The following ADCY5 variants were observed in gnomAD, a reference collection of about 807,000 sequenced individuals.
ADCY5 encodes the protein adenylate cyclase 5.
A neutral mutation model predicts 119.7 loss-of-function variants in ADCY5; 30 were observed. The ratio of observed to expected loss-of-function variants is 0.25; its 90% CI spans 0.19 to 0.34. The LOEUF (loss-of-function observed/expected upper bound fraction) is 0.34, where lower values mean the gene tolerates loss of function less well. ADCY5 is among the 10% of genes least tolerant of loss of function. ADCY5 has a pLI of 1.00. For missense variants in ADCY5, 1,324 were observed against 1,775.2 expected (o/e 0.75, Z 4.57); for synonymous variants, 753 against 762.2 (o/e 0.99, Z 0.20).
intron 1 of ADCY5, among the ~76,000 whole-genome samples, chr3:123,358,905 C>T (rs927440242): frequency 3.3e-5 from 5 of 152,180 alleles, no homozygotes; most frequent in African/African-American, 1.2e-4. Context: ...AAAGAAACCC[C>T]AGCCACTGGC....
intron 1 of ADCY5, among the ~76,000 whole-genome samples, chr3:123,373,703 T>A (rs1012039381): frequency 1.3e-5 from 2 of 150,084 alleles, no homozygotes; most frequent in African/African-American, 4.9e-5. Flanking sequence ...GGCCCGGCTT[T>A]CATCACCGAC....
intron 3 of ADCY5, among the ~76,000 whole-genome samples, chr3:123,338,131 A>G (rs537723855): frequency 5.9e-5 from 9 of 152,304 alleles, no homozygotes; most frequent in Non-Finnish European, 1.3e-4. Context: ...TGCCTTTGAA[A>G]ACCTGCACCT....
rs191972007 is a variant in ADCY5 at position 123,391,073 on chromosome 3, G to A, written c.1135-38492C>T. On this transcript the variant is annotated intron_variant, in intron 1 of 20. Transcript: ENST00000462833. Reference sequence around the variant, plus strand: ...CTGCCCCTCCAGGGGCTTGGGGGCCGCCCAGCACACCTGCACATGAGGACC... The same window carrying A: ...CTGCCCCTCCAGGGGCTTGGGGGCCACCCAGCACACCTGCACATGAGGACC... Among the ~76,000 whole-genome samples the A allele has an allele frequency of 2.9e-3, 444 of 152,326 alleles. 5 individuals are homozygous for A. In the South Asian group the frequency reaches 0.038, roughly 13 times the overall value.
intron 12 of ADCY5, among the ~76,000 whole-genome samples, chr3:123,308,310 TACAGGCGTGAGCC>T (rs1940324493): frequency 6.6e-6 from 1 of 151,540 alleles, no homozygotes. Context: ...GTGCTGGGAT[TACAGGCGTGAGCC>T]ACTGCACCCG....
intron 6 of ADCY5, 97 bp downstream of exon 6, chr3:123,328,547 C>A (rs1177468449): frequency 1.4e-6 from 2 of 1,451,004 alleles, no homozygotes; most frequent in African/African-American, 2.8e-5. Context: ...CTGCCCACCC[C>A]ACCCTGCCCC....
chr3:123,351,080 G>C (rs1330607283), intron 2 of ADCY5, among the ~76,000 whole-genome samples: 1 of 152,172 alleles, frequency 6.6e-6, no homozygotes, highest in African/African-American at 2.4e-5. Flanking sequence ...GACAGGGCCA[G>C]AGTGAATGGG....
chr3:123,324,933 G>A (rs1941402633), intron 8 of ADCY5, among the ~76,000 whole-genome samples: 1 of 152,258 alleles, frequency 6.6e-6, no homozygotes, highest in Non-Finnish European at 1.5e-5. Context: ...GGTGCTGGAA[G>A]AGGGTATGAC....
rs185899533 is a variant in ADCY5, at chr3:123,284,057, G to T, written c.*551C>A. The T allele has an allele frequency of 6.5e-6, 1 of 152,682 alleles. No individual in the cohort carries two copies. The allele number at this position is 152,682 out of a possible 1,614,324, so 9.5% of individuals were successfully genotyped here. A position where few individuals can be genotyped will look rare whatever the true frequency, so the allele number is the denominator to read the frequency against. On this transcript the variant is annotated 3_prime_UTR_variant, in exon 21 of 21. Transcript: ENST00000462833. ...CCCTCCTAGGGCACTGTCTGTGTGCGTGGAGGTGTGGGCAGAGGACCACGA... is the reference window on the plus strand; with the variant it reads ...CCCTCCTAGGGCACTGTCTGTGTGCTTGGAGGTGTGGGCAGAGGACCACGA...
intron 1 of ADCY5, among the ~76,000 whole-genome samples, chr3:123,374,758 C>CG (rs1169645975): frequency 1.4e-5 from 2 of 142,160 alleles, no homozygotes; most frequent in Non-Finnish European, 3.1e-5. Context: ...ACTCAAGAGA[C>CG]GGGGCTGGGG....
Position 123,342,438 on chromosome 3 carries a change from CCT to C in ADCY5, c.1406+5342_1406+5343del, listed in dbSNP as rs1942338235. Among the ~76,000 whole-genome samples the C allele has an allele frequency of 2.6e-5, 4 of 152,132 alleles. No homozygotes were observed. The South Asian group carries it at 8.3e-4, about 32-fold the overall frequency. On this transcript the variant is annotated intron_variant, in intron 3 of 20. Coordinates refer to ENST00000462833, the MANE Select transcript of ADCY5 (RefSeq NM_183357.3). The stretch of plus-strand genomic sequence containing the variant: ...TCTCTCCCCAAGACCCTGCCCCACC[CCT>C]GATGTGTGGGGAGCGGGGCTGACTA...
In ADCY5 at chr3:123,291,330, C is replaced by T. The variant is rs1338944188; in HGVS notation, c.3110G>A (p.Arg1037Gln). ...GGGCAGGATGTTGTGCAGCAGCCGC[C>T]GGTTGTAGGCCTGCAGCTCCTCCAT... ...EEMEELQAYN[R>Q]RLLHNILPKD... The change falls in exon 18 of 21, where the codon CGG (arginine) becomes CAG (glutamine). Residue 1037 changes from arginine (R) to glutamine (Q), a missense_variant. Arg to Gln is a conservative substitution (Grantham distance 43, BLOSUM62 1). This residue lies in a region of ADCY5 where 178 missense variants were observed against 329.6 expected (regional missense o/e 0.54). Transcript: ENST00000462833. 3 of 1,613,794 alleles carry T rather than the reference C, an allele frequency of 1.9e-6. No individual in the cohort carries two copies. Among genetic ancestry groups the T allele is most frequent in the Non-Finnish European group, 1.7e-6 (2 of 1,180,022 alleles).
chr3:123,424,845 G>A (rs1945372184), intron 1 of ADCY5, among the ~76,000 whole-genome samples: 1 of 152,230 alleles, frequency 6.6e-6, no homozygotes, highest in African/African-American at 2.4e-5. Flanking sequence ...TAATAAATAA[G>A]TGAATGGCAA....
intron 1 of ADCY5, among the ~76,000 whole-genome samples, chr3:123,413,922 A>T (rs2107628155): frequency 6.6e-6 from 1 of 152,266 alleles, no homozygotes; most frequent in Non-Finnish European, 1.5e-5. Context: ...CCAGCTGCGA[A>T]CTGTGTGATC....
At chr3:123,332,971 C>A (rs534443916) in intron 3 of ADCY5, among the ~76,000 whole-genome samples, 3 of 151,140 alleles carry the variant, frequency 2.0e-5, no homozygotes, top group Admixed American at 6.6e-5. Context: ...GTTGTCCAGG[C>A]AGGTCTCAAA....
intron 1 of ADCY5, chr3:123,419,047 G>A: frequency 2.8e-6 from 2 of 713,444 alleles, no homozygotes; most frequent in Non-Finnish European, 3.4e-6. Context: ...GGTCTTCTCA[G>A]TCTCCGTAAC....
chr3:123,439,915 A>G (rs994922407), intron 1 of ADCY5, among the ~76,000 whole-genome samples: 8 of 152,254 alleles, frequency 5.3e-5, no homozygotes, highest in South Asian at 2.1e-4. Context: ...CGGCAGTGCC[A>G]GGCAACAGCT....
Position 123,448,555 on chromosome 3 carries a change from G to A in ADCY5, c.-10C>T. On this transcript the variant is annotated 5_prime_UTR_variant, in exon 1 of 21. Coordinates refer to ENST00000462833, the MANE Select transcript of ADCY5 (RefSeq NM_183357.3). ...TTTTGGAGCCGGACATCCCCCCCTC[G>A]GCCTCGTCGTCTCCTTCCTCCTCCC... is the stretch of plus-strand genomic sequence containing the variant. 1.6e-6 allele frequency: 2 copies of A among 1,262,848 alleles called. No individual in the cohort carries two copies. Among genetic ancestry groups the A allele is most frequent in the Non-Finnish European group, 2.0e-6 (2 of 1,005,890 alleles). 78.2% of individuals were successfully genotyped at this position (1,262,848 alleles called of 1,614,324 possible).
chr3:123,439,629 A>T (rs757956996), intron 1 of ADCY5, among the ~76,000 whole-genome samples: 1 of 119,514 alleles, frequency 8.4e-6, no homozygotes, highest in Non-Finnish European at 1.7e-5. Context: ...GATTTTAGGC[A>T]TCCACTGGGG....
chr3:123,367,679 G>A (rs559460671), intron 1 of ADCY5, among the ~76,000 whole-genome samples: 131 of 152,130 alleles, frequency 8.6e-4, no homozygotes, highest in Non-Finnish European at 1.4e-3. Flanking sequence ...ATTCAGGGGC[G>A]GGAAGAAGGA....
Sources: allele counts gnomAD v4.1 joint callset (sites outside exome capture counted in the v4.1 genomes callset), GRCh38; gene constraint gnomAD v4.1.1; regional missense constraint gnomAD v4.1.1; transcripts MANE v1.5; gene names NCBI Gene and HGNC (gene_info 2026-07-23, HGNC 2026-07-21).